The following CSMD1 variants were observed in gnomAD, a reference collection of about 807,000 sequenced individuals.
The protein encoded by CSMD1 is CUB and Sushi multiple domains 1.
Under a neutral mutation model 417.5 loss-of-function variants are expected in CSMD1, and 213 were observed. That is an observed-to-expected ratio of 0.51 (90% CI 0.46 to 0.57). The LOEUF is 0.57. Ranked by LOEUF, CSMD1 falls within the 20% of genes least tolerant of loss-of-function variation. The pLI is 0.00. For missense variants in CSMD1, 6,923 were observed against 4,529.7 expected, an observed-to-expected ratio of 1.53 and a Z score of -15.17; for synonymous variants, 2,862 against 1,736.8, an observed-to-expected ratio of 1.65 and a Z score of -16.11.
chr8:4,155,382 T>C (rs779056399), intron 3 of CSMD1, among the ~76,000 whole-genome samples: 16 of 152,218 alleles, frequency 1.1e-4, no homozygotes, highest in East Asian at 1.9e-4. Context: ...TGCTCTGCTG[T>C]AGATCACATT....
chr8:3,660,116 T>C (rs1468155041), intron 7 of CSMD1, among the ~76,000 whole-genome samples: 6 of 152,216 alleles, frequency 3.9e-5, no homozygotes, highest in African/African-American at 7.2e-5. Context: ...TGACATTTTA[T>C]AGTTTGCAAA....
intron 25 of CSMD1, among the ~76,000 whole-genome samples, chr8:3,306,798 G>A (rs1371260430): frequency 6.6e-6 from 1 of 151,950 alleles, no homozygotes; most frequent in Non-Finnish European, 1.5e-5. Flanking sequence ...TGGTTTTGGA[G>A]ACAGATTTCT....
rs752648515 is a variant in CSMD1, at chr8:4,032,054, C to T, written c.461G>A (p.Gly154Glu). ...TCGNPGEILKGVLHGTRFNIG... is the reference protein window; with the variant it reads ...TCGNPGEILKEVLHGTRFNIG... ...GTTGAATCTCGTTCCATGCAGAACTCCTTTCAGGATTTCTCCAGGATTTCC... is the reference window on the plus strand; with the variant it reads ...GTTGAATCTCGTTCCATGCAGAACTTCTTTCAGGATTTCTCCAGGATTTCC... The change falls in exon 4 of 70, where the codon GGA becomes GAA. Residue 154 changes from glycine to glutamate, a missense_variant. Gly to Glu is a moderately conservative substitution (Grantham distance 98). Coordinates refer to ENST00000635120, the MANE Select transcript of CSMD1 (RefSeq NM_033225.6). 6.2e-7 allele frequency: 1 copy of T among 1,613,364 alleles called. No homozygotes were observed. Among genetic ancestry groups the T allele is most frequent in the Non-Finnish European group, 8.5e-7 (1 of 1,179,656 alleles).
At chr8:4,242,949 C>A (rs900603038) in intron 3 of CSMD1, among the ~76,000 whole-genome samples, 1 of 152,110 alleles carries the variant, frequency 6.6e-6, no homozygotes, top group Non-Finnish European at 1.5e-5. Context: ...TATAACATTG[C>A]ATGAAAAGTC....
chr8:4,392,889 A>T (rs541060754), intron 3 of CSMD1, among the ~76,000 whole-genome samples: 6 of 151,876 alleles, frequency 4.0e-5, no homozygotes, highest in African/African-American at 1.2e-4. Flanking sequence ...GAATTGCTTG[A>T]ACCCAGGAGA....
chr8:4,265,034 T>C (rs538960664), intron 3 of CSMD1, among the ~76,000 whole-genome samples: 3 of 152,300 alleles, frequency 2.0e-5, no homozygotes, highest in African/African-American at 7.2e-5. Flanking sequence ...AAGTTAATGT[T>C]GCTGAGGTCA....
intron 3 of CSMD1, among the ~76,000 whole-genome samples, chr8:4,148,312 G>C (rs1796384531): frequency 7.1e-6 from 1 of 141,148 alleles, no homozygotes. Context: ...GGTGGGAATT[G>C]AACAATGAGA....
chr8:3,418,019 C>T (rs1317136649), intron 12 of CSMD1, among the ~76,000 whole-genome samples: 2 of 152,138 alleles, frequency 1.3e-5, no homozygotes, highest in African/African-American at 2.4e-5. Flanking sequence ...GTTACAGTGG[C>T]CTGTGCTTGT....
intron 3 of CSMD1, among the ~76,000 whole-genome samples, chr8:4,086,167 A>G (rs572665328): frequency 9.2e-5 from 14 of 152,212 alleles, no homozygotes; most frequent in Admixed American, 7.9e-4. Flanking sequence ...AAAAGTGCAT[A>G]TAAGTAATTT....
Position 3,616,756 on chromosome 8 carries a change from C to G in CSMD1, c.1051G>C (p.Asp351His). The change falls in exon 8 of 70, where the codon GAT becomes CAT. Residue 351 changes from aspartate (D) to histidine (H), a missense_variant. Transcript: ENST00000635120. ...GVALVSDMCP[D>H]PGIPENGRRA... ...CTACCATTTTCTGGAATCCCAGGAT[C>G]TGGACACATGTCAGAGACCAATGCA... The G allele has an allele frequency of 6.2e-7, 1 of 1,612,680 alleles. No homozygotes were observed. Among genetic ancestry groups the G allele is most frequent in the Non-Finnish European group, 8.5e-7 (1 of 1,179,248 alleles).
At chr8:3,207,356 G>T (rs1171647417) in intron 30 of CSMD1, among the ~76,000 whole-genome samples, 1 of 150,802 alleles carries the variant, frequency 6.6e-6, no homozygotes, top group African/African-American at 2.4e-5. Context: ...TGTTGGTCAG[G>T]CTGGTCTCGA....
chr8:4,634,969 C>T (rs764898916), intron 2 of CSMD1, among the ~76,000 whole-genome samples: 1 of 152,142 alleles, frequency 6.6e-6, no homozygotes, highest in Non-Finnish European at 1.5e-5. Flanking sequence ...ACTCCTCGAA[C>T]GTCTCCTCAA....
intron 2 of CSMD1, among the ~76,000 whole-genome samples, chr8:4,575,557 C>G (rs1204632528): frequency 2.0e-5 from 3 of 152,148 alleles, no homozygotes; most frequent in East Asian, 3.9e-4. Flanking sequence ...CCATCAAACT[C>G]ACTTTGAGAC....
intron 3 of CSMD1, among the ~76,000 whole-genome samples, chr8:4,153,884 C>G (rs1796694161): frequency 6.6e-6 from 1 of 152,218 alleles, no homozygotes; most frequent in Non-Finnish European, 1.5e-5. Context: ...TGGCAGCAAA[C>G]TAACATCTCA....
At chr8:4,205,747 G>C (rs535791073) in intron 3 of CSMD1, among the ~76,000 whole-genome samples, 50 of 151,950 alleles carry the variant, frequency 3.3e-4, no homozygotes, top group Middle Eastern at 3.4e-3. Context: ...GCCACTGTGA[G>C]ATGAACAGCT....
intron 3 of CSMD1, among the ~76,000 whole-genome samples, chr8:4,414,112 C>G (rs529509558): frequency 6.6e-6 from 1 of 152,144 alleles, no homozygotes; most frequent in Non-Finnish European, 1.5e-5. Flanking sequence ...TGGGTTATCA[C>G]TTCAAGGGAG....
At chr8:4,447,044 A>G (rs1240367550) in intron 2 of CSMD1, among the ~76,000 whole-genome samples, 1 of 152,116 alleles carries the variant, frequency 6.6e-6, no homozygotes, top group Non-Finnish European at 1.5e-5. Flanking sequence ...AAGGATCATC[A>G]GCCTGTGTCA....
At chr8:4,802,157 A>T (rs1798324009) in intron 1 of CSMD1, among the ~76,000 whole-genome samples, 2 of 152,232 alleles carry the variant, frequency 1.3e-5, no homozygotes, top group Non-Finnish European at 1.5e-5. Flanking sequence ...GCAATTGCAC[A>T]AAGGAACTCA....
intron 1 of CSMD1, among the ~76,000 whole-genome samples, chr8:4,844,123 T>C (rs1800997970): frequency 6.6e-6 from 1 of 152,208 alleles, no homozygotes; most frequent in South Asian, 2.1e-4. Flanking sequence ...TGACACTGGT[T>C]TTGATTTACA....
Sources: allele counts gnomAD v4.1 joint callset (sites outside exome capture counted in the v4.1 genomes callset), GRCh38; gene constraint gnomAD v4.1.1; transcripts MANE v1.5; gene names NCBI Gene and HGNC (gene_info 2026-07-23, HGNC 2026-07-21).